Variants in TTC8 observed in about 807,000 individuals in gnomAD.
TTC8 encodes tetratricopeptide repeat domain 8.
Under a neutral mutation model 72.5 loss-of-function variants are expected in TTC8, and 47 were observed. The observed-to-expected ratio is 0.65, with a 90% confidence interval of 0.51 to 0.83. TTC8 has a LOEUF of 0.83. Among genes scored for constraint, TTC8 ranks in the 40% least tolerant of loss-of-function variants. The probability of loss-of-function intolerance (pLI) is 0.00; values close to 1 mark genes in which losing one functional copy is unlikely to be tolerated. For synonymous variants in TTC8, 199 were observed against 221.4 expected (o/e 0.90, Z 0.90); for missense variants, 611 against 623.2 (o/e 0.98, Z 0.21).
In TTC8 at chr14:88,872,525, A is replaced by C. The variant is rs1013088654; in HGVS notation, c.1347+73A>C. 15 of 1,596,172 alleles carry C rather than the reference A, an allele frequency of 9.4e-6. No individual in the cohort carries two copies. The Admixed American group carries it at 1.2e-4, about 12-fold the overall frequency. ...AAAAGCTGTCATGTGTGGTAGCATT[A>C]CAGCGTATGTTATTTTAAAATGAGC... On this transcript the variant is annotated intron_variant, in intron 13 of 14. Coordinates refer to ENST00000380656, the MANE Select transcript of TTC8 (RefSeq NM_144596.4).
chr14:88,857,061 A>G lies in TTC8; in HGVS notation c.711-129A>G. 9.8e-6 allele frequency: 8 copies of G among 814,154 alleles called. 1 individual carries two copies. In the South Asian group the frequency reaches 9.9e-5, roughly 10 times the overall value. 50.4% of individuals were successfully genotyped at this position (814,154 alleles called of 1,614,324 possible). A position where few individuals can be genotyped will look rare whatever the true frequency, so the allele number is the denominator to read the frequency against. On this transcript the variant is annotated intron_variant, in intron 8 of 14. Coordinates refer to ENST00000380656, the MANE Select transcript of TTC8 (RefSeq NM_144596.4). ...GCTGTATAAATAAACATGTTAATTTATGTGTATGTGCAACATTACCTTCCT... is the reference window on the plus strand; with the variant it reads ...GCTGTATAAATAAACATGTTAATTTGTGTGTATGTGCAACATTACCTTCCT...
At chr14:88,831,486 C>A (rs2094725806) in intron 1 of TTC8, among the ~76,000 whole-genome samples, 2 of 152,166 alleles carry the variant, frequency 1.3e-5, no homozygotes, top group African/African-American at 4.8e-5. Flanking sequence ...ACTGACTCAC[C>A]CTGGAATTAT....
intron 1 of TTC8, 104 bp downstream of exon 1, chr14:88,824,925 C>T: frequency 8.9e-7 from 1 of 1,126,792 alleles, no homozygotes; most frequent in Non-Finnish European, 1.3e-6. Context: ...AGGCCCGAGG[C>T]GGGGCTGACC....
At chr14:88,828,046 C>G (rs548484517) in intron 1 of TTC8, among the ~76,000 whole-genome samples, 3 of 152,146 alleles carry the variant, frequency 2.0e-5, no homozygotes, top group Non-Finnish European at 4.4e-5. Flanking sequence ...CTATGAAGGT[C>G]GTCGTAGTTG....
intron 10 of TTC8, among the ~76,000 whole-genome samples, chr14:88,865,952 T>C (rs1287068347): frequency 1.3e-5 from 2 of 152,052 alleles, no homozygotes; most frequent in East Asian, 3.8e-4. Context: ...AGATAGCCTA[T>C]TAAGCCAATT....
rs1300205607 is a variant in TTC8, at chr14:88,877,425, A to C, written c.*15A>C. The stretch of plus-strand genomic sequence containing the variant: ...CTATGCTCTGATTGTTCCTTAGACC[A>C]CATATGTTCTTATGAAGCAGCATTA... On this transcript the variant is annotated 3_prime_UTR_variant, in exon 15 of 15. Coordinates refer to ENST00000380656, the MANE Select transcript of TTC8 (RefSeq NM_144596.4). The C allele has an allele frequency of 6.3e-7, 1 of 1,590,834 alleles. No homozygotes were observed. Among genetic ancestry groups the C allele is most frequent in the Non-Finnish European group, 8.6e-7 (1 of 1,159,128 alleles).
At chr14:88,841,648 ATTACTC>A in intron 6 of TTC8, 134 bp downstream of exon 6, 1 of 790,872 alleles carries the variant, frequency 1.3e-6, no homozygotes, top group Non-Finnish European at 2.1e-6. Context: ...TATATGTAAA[ATTACTC>A]TTAGTCTTTG....
rs1214036322 is a variant in TTC8 at position 88,831,072 on chromosome 14, A to G, written c.115-2621A>G. ...ACAGGACTTGTTTTCTGGTCACAAC[A>G]CGGCTGACCAAAATAGGATCTAGTC... On this transcript the variant is annotated intron_variant, in intron 1 of 14. Coordinates refer to ENST00000380656, the MANE Select transcript of TTC8 (RefSeq NM_144596.4). 8.8e-6 allele frequency: 3 copies of G among 342,738 alleles called. No individual in the cohort carries two copies. The Admixed American group carries it at 1.1e-4, about 13-fold the overall frequency. 21.2% of individuals were successfully genotyped at this position (342,738 alleles called of 1,614,324 possible).
chr14:88,840,890 TG>T lies in TTC8; in HGVS notation c.293del (p.Gly98GlufsTer78), dbSNP rs1271312946. On this transcript the variant is annotated frameshift_variant, in exon 4 of 15. Transcript: ENST00000380656. LOFTEE classifies it high-confidence loss of function. ...PRPGTSLKLP[G>X]TNQTGGPSQA... ...GCCCTGGAACGTCTTTGAAACTCCCTGGAACTAATCAGACAGGAGGGCCTAG... is the reference window on the plus strand; with the variant it reads ...GCCCTGGAACGTCTTTGAAACTCCCTGAACTAATCAGACAGGAGGGCCTAG... 10 of 1,614,030 alleles carry T rather than the reference TG, an allele frequency of 6.2e-6. No homozygotes were observed. The highest frequency in any genetic ancestry group is 8.5e-6 in the Non-Finnish European group (10 of 1,180,000).
At chr14:88,858,110 C>T (rs1410523505) in intron 9 of TTC8, among the ~76,000 whole-genome samples, 1 of 151,990 alleles carries the variant, frequency 6.6e-6, no homozygotes, top group Non-Finnish European at 1.5e-5. Context: ...TACAGATGCA[C>T]ACCACCATGC....
Position 88,841,066 on chromosome 14 carries a change from C to T in TTC8, c.359C>T (p.Thr120Ile), listed in dbSNP as rs2094778557. 1 of 1,613,990 alleles carries T rather than the reference C, an allele frequency of 6.2e-7. No homozygotes were observed. Among genetic ancestry groups the T allele is most frequent in the South Asian group, 1.1e-5 (1 of 91,084 alleles). ...RPITQAGRPI[T>I]GFLRPSTQSG... ...ATCACACAAGCTGGAAGACCCATTA[C>T]AGGTTTCCTCAGGCCCAGCACGCAG... Residue 120 changes from threonine (T) to isoleucine (I), a missense_variant, in exon 5 of 15, where the codon ACA (threonine) becomes ATA (isoleucine). Physicochemically the swap from Thr to Ile is moderately conservative, Grantham distance 89. Transcript: ENST00000380656.
chr14:88,876,037 G>A (rs2094956000), intron 14 of TTC8, among the ~76,000 whole-genome samples: 1 of 152,150 alleles, frequency 6.6e-6, no homozygotes, highest in African/African-American at 2.4e-5. Flanking sequence ...ACCTCAAGCA[G>A]CTTAATTTCT....
At position 88,851,742 on chromosome 14, in the gene TTC8, G is replaced by C. The variant is rs17124916; in HGVS notation, c.625-1229G>C. 3.5e-4 allele frequency among the ~76,000 whole-genome samples: 53 copies of C among 152,116 alleles called. 1 individual carries two copies. The East Asian group carries it at 0.01, about 29-fold the overall frequency. On this transcript the variant is annotated intron_variant, in intron 7 of 14. Transcript: ENST00000380656. ...AGAAAAATAAGCATATGAAAGTACT[G>C]TGTGGCTTCTTTTTAATTTTCATAG... is the stretch of plus-strand genomic sequence containing the variant.
chr14:88,854,339 C>T (rs1384860594), intron 8 of TTC8, among the ~76,000 whole-genome samples: 4 of 152,130 alleles, frequency 2.6e-5, no homozygotes, highest in Admixed American at 2.0e-4. Flanking sequence ...TAATACCTGC[C>T]CATCTTTATG....
rs34301947 is a variant in TTC8 at position 88,877,166 on chromosome 14, T to TA, written c.1432-118dup. 4,689 of 601,242 alleles carry TA rather than the reference T, an allele frequency of 7.8e-3. 1 individual carries two copies. The highest frequency in any genetic ancestry group is 8.7e-3 in the Non-Finnish European group (3,055 of 350,776). The allele number at this position is 601,242 out of a possible 1,614,324, so 37.2% of individuals were successfully genotyped here. ...GTTATGATGTTAGTTGTGGGTTTGT[T>TA]AAAAAAAAAAGAAAAGAACCCTTTG... is the stretch of plus-strand genomic sequence containing the variant. On this transcript the variant is annotated intron_variant, in intron 14 of 14. Transcript: ENST00000380656.
At chr14:88,854,967 A>G (rs2094849580) in intron 8 of TTC8, among the ~76,000 whole-genome samples, 1 of 152,236 alleles carries the variant, frequency 6.6e-6, no homozygotes, top group Admixed American at 6.5e-5. Flanking sequence ...GATTATAGGC[A>G]TTAGCCATTG....
intron 2 of TTC8, among the ~76,000 whole-genome samples, chr14:88,836,258 A>G (rs961120709): frequency 1.3e-5 from 2 of 152,178 alleles, no homozygotes; most frequent in Admixed American, 6.5e-5. Context: ...TAGGAGGCCA[A>G]AGCAGGAGGA....
intron 1 of TTC8, among the ~76,000 whole-genome samples, chr14:88,831,522 C>G (rs1396880684): frequency 6.6e-6 from 1 of 152,186 alleles, no homozygotes; most frequent in Non-Finnish European, 1.5e-5. Flanking sequence ...AAGAACCCTC[C>G]TGGGCTAAGC....
chr14:88,865,369 A>C (rs540790630), intron 10 of TTC8, among the ~76,000 whole-genome samples: 1 of 152,312 alleles, frequency 6.6e-6, no homozygotes, highest in Admixed American at 6.5e-5. Flanking sequence ...AAAATTTGAA[A>C]ACTACTGCAG....
Sources: gnomAD v4.1 joint callset for allele counts (sites outside exome capture counted in the v4.1 genomes callset) on GRCh38, gnomAD v4.1.1 for gene constraint, MANE v1.5 for transcripts, NCBI Gene and HGNC (gene_info 2026-07-23, HGNC 2026-07-21) for gene names.